Variants in PIEZO2 observed in about 807,000 individuals in gnomAD.
PIEZO2 encodes piezo-type mechanosensitive ion channel component 2.
A neutral mutation model predicts 337.3 loss-of-function variants in PIEZO2; 172 were observed. The ratio of observed to expected loss-of-function variants is 0.51; its 90% confidence interval spans 0.45 to 0.58. PIEZO2 has a LOEUF of 0.58. Among genes scored for constraint, PIEZO2 ranks in the 20% least tolerant of loss-of-function variants. PIEZO2 has a pLI of 0.00. For synonymous variants in PIEZO2, 1,251 were observed against 1,228.5 expected, an observed-to-expected ratio of 1.02 and a Z score of -0.38; for missense variants, 3,028 against 3,391.3, an observed-to-expected ratio of 0.89 and a Z score of 2.66.
At chr18:10,886,338 A>ATGTGTGTGTG (rs2042582430) in intron 4 of PIEZO2, among the ~76,000 whole-genome samples, 1 of 10,808 alleles carries the variant, frequency 9.3e-5, no homozygotes, top group African/African-American at 7.1e-4. Flanking sequence ...ATATATATAT[A>ATGTGTGTGTG]TATATACACA....
intron 1 of PIEZO2, among the ~76,000 whole-genome samples, chr18:11,090,837 C>T (rs1010535668): frequency 6.7e-6 from 1 of 149,582 alleles, no homozygotes; most frequent in African/African-American, 2.5e-5. Flanking sequence ...GGTGTGAACC[C>T]GGGGGGGCAA....
At chr18:10,851,878 T>A (rs2041564085) in intron 7 of PIEZO2, among the ~76,000 whole-genome samples, 1 of 152,120 alleles carries the variant, frequency 6.6e-6, no homozygotes, top group African/African-American at 2.4e-5. Flanking sequence ...GTTTGCCTGA[T>A]CTAGTATTTT....
chr18:10,797,057 T>A (rs2039628143), intron 12 of PIEZO2, among the ~76,000 whole-genome samples: 1 of 150,246 alleles, frequency 6.7e-6, no homozygotes, highest in Non-Finnish European at 1.5e-5. Context: ...ATATGTACTA[T>A]CATGTCATAT....
rs2040236224 is a variant in PIEZO2, at chr18:11,128,057, G to A, written c.64+20468C>T. 6.6e-6 allele frequency among the ~76,000 whole-genome samples: 1 copy of A among 152,020 alleles called. No homozygotes were observed. The highest frequency in any genetic ancestry group is 1.5e-5 in the Non-Finnish European group (1 of 68,024). ...GTTTAGAGAGTTACACAAAATAAAT[G>A]CATTTGACACTCCTGATTCACCACT... On this transcript the variant is annotated intron_variant, in intron 1 of 55. Coordinates refer to ENST00000674853, the MANE Select transcript of PIEZO2 (RefSeq NM_001378183.1). The surrounding 1 kb of genome is among the most constrained non-coding windows in gnomAD (Gnocchi z 4.1).
Position 10,882,834 on chromosome 18 carries a change from C to CTTTTTTTTTTTTTTTTTTTTTTT in PIEZO2, c.330-11420_330-11419insAAAAAAAAAAAAAAAAAAAAAAA, listed in dbSNP as rs745618117. Among the ~76,000 whole-genome samples, 5 of 109,984 alleles carry CTTTTTTTTTTTTTTTTTTTTTTT rather than the reference C, an allele frequency of 4.5e-5. 2 individuals are homozygous for CTTTTTTTTTTTTTTTTTTTTTTT. Among genetic ancestry groups the CTTTTTTTTTTTTTTTTTTTTTTT allele is most frequent in the African/African-American group, 6.3e-5 (2 of 31,918 alleles). 72.2% of individuals were successfully genotyped at this position (109,984 alleles called of 152,430 possible). A position where few individuals can be genotyped will look rare whatever the true frequency, so the allele number is the denominator to read the frequency against. On this transcript the variant is annotated intron_variant, in intron 4 of 55. Transcript: ENST00000674853. ...CCATTGTGCATATGTACCACATTTT[C>CTTTTTTTTTTTTTTTTTTTTTTT]TTTTTTTCTTTTTTTTTTTTTTTGA...
chr18:10,822,084 T>A lies in PIEZO2; in HGVS notation c.918-14810A>T, dbSNP rs570589584. ...CATTTGTAAATGTAACAGAAAATAA[T>A]AATTAGTAGAAAATGATCACATGCC... On this transcript the variant is annotated intron_variant, in intron 7 of 55. Transcript: ENST00000674853. Among the ~76,000 whole-genome samples, 68 of 152,330 alleles carry A rather than the reference T, an allele frequency of 4.5e-4. 1 individual carries two copies. The highest frequency in any genetic ancestry group is 1.6e-3 in the African/African-American group (67 of 41,580).
At position 10,719,006 on chromosome 18, in the gene PIEZO2, TA is replaced by T. The variant is rs1567981827; in HGVS notation, c.5030-748del. Among the ~76,000 whole-genome samples the T allele has an allele frequency of 9.0e-3, 1,356 of 150,912 alleles. 22 individuals are homozygous for T. Among genetic ancestry groups the T allele is most frequent in the African/African-American group, 0.031 (1,268 of 41,174 alleles). ...ATAAATAAATAAATAAATAAATAAA[TA>T]AATAAATAAATAAATAAATTTGCTA... On this transcript the variant is annotated intron_variant, in intron 36 of 55. Coordinates refer to ENST00000674853, the MANE Select transcript of PIEZO2 (RefSeq NM_001378183.1).
rs1185124640 is a variant in PIEZO2, at chr18:10,878,010, A to C, written c.330-6595T>G. ...TATGCTTCAGGTTCTCCTCATCTCT[A>C]AAAACACACCTGCCATGTCTCCTCT... On this transcript the variant is annotated intron_variant, in intron 4 of 55. Transcript: ENST00000674853. This position sits in a 1 kb window ranked among gnomAD's most constrained non-coding sequence, Gnocchi z 4.3. 1.3e-5 allele frequency among the ~76,000 whole-genome samples: 2 copies of C among 152,074 alleles called. No homozygotes were observed. Among genetic ancestry groups the C allele is most frequent in the African/African-American group, 4.8e-5 (2 of 41,400 alleles).
At chr18:10,984,733 A>T (rs906026152) in intron 2 of PIEZO2, among the ~76,000 whole-genome samples, 4 of 152,188 alleles carry the variant, frequency 2.6e-5, no homozygotes, top group African/African-American at 9.6e-5. Context: ...ATACAGATCC[A>T]GGAAGCCCAA....
At chr18:10,879,704 G>A (rs113681392) in intron 4 of PIEZO2, among the ~76,000 whole-genome samples, 3,946 of 152,100 alleles carry the variant, frequency 0.026, 173 homozygotes, top group African/African-American at 0.09. Context: ...CTCCAATCTT[G>A]TTAGAGTCAT....
intron 3 of PIEZO2, among the ~76,000 whole-genome samples, chr18:10,928,647 T>G (rs2031899908): frequency 6.6e-6 from 1 of 152,234 alleles, no homozygotes; most frequent in South Asian, 2.1e-4. Context: ...CTTCATGCCA[T>G]CACATCCTGT....
chr18:10,757,692 G>C (rs1341503815), intron 27 of PIEZO2, among the ~76,000 whole-genome samples: 1 of 151,988 alleles, frequency 6.6e-6, no homozygotes, highest in Admixed American at 6.5e-5. Flanking sequence ...CTCCACTGGA[G>C]AGCTGGTATT....
rs2035612221 is a variant in PIEZO2 at position 11,003,328 on chromosome 18, A to G, written c.161-23668T>C. The stretch of plus-strand genomic sequence containing the variant: ...CAGTAAATCCTCACTTATCATCAGT[A>G]GGCTCCTGGAAACTGCGGCTTTAAG... On this transcript the variant is annotated intron_variant, in intron 2 of 55. Transcript: ENST00000674853. The surrounding 1 kb of genome is among the most constrained non-coding windows in gnomAD (Gnocchi z 4.6). Among the ~76,000 whole-genome samples the G allele has an allele frequency of 6.6e-6, 1 of 152,202 alleles. No individual in the cohort carries two copies. Among genetic ancestry groups the G allele is most frequent in the Admixed American group, 6.5e-5 (1 of 15,274 alleles).
At chr18:10,722,481 C>T (rs756088683) in intron 36 of PIEZO2, among the ~76,000 whole-genome samples, 23 of 151,934 alleles carry the variant, frequency 1.5e-4, no homozygotes, top group Non-Finnish European at 2.6e-4. Context: ...CTGCCCCCTT[C>T]GGCCTCCCAA....
chr18:10,957,189 G>A (rs1478241436), intron 3 of PIEZO2, among the ~76,000 whole-genome samples: 2 of 150,890 alleles, frequency 1.3e-5, no homozygotes, highest in African/African-American at 4.9e-5. Flanking sequence ...ATGAGGTCAG[G>A]AGTTCAAGAC....
intron 4 of PIEZO2, among the ~76,000 whole-genome samples, chr18:10,907,699 G>A (rs1029157149): frequency 6.6e-6 from 1 of 152,160 alleles, no homozygotes; most frequent in African/African-American, 2.4e-5. Context: ...CAGGCAGGGT[G>A]TCCACGAATG....
rs1220560220 is a variant in PIEZO2, at chr18:11,102,231, A to C, written c.65-36009T>G. ...ACCTTATTCTAAATTAATGAGATAA[A>C]AAATACATTCTAATTTAAAATGTAT... On this transcript the variant is annotated intron_variant, in intron 1 of 55. Transcript: ENST00000674853. This position sits in a 1 kb window ranked among gnomAD's most constrained non-coding sequence, Gnocchi z 5.7. Among the ~76,000 whole-genome samples, 1 of 152,346 alleles carries C rather than the reference A, an allele frequency of 6.6e-6. No homozygotes were observed. Among genetic ancestry groups the C allele is most frequent in the South Asian group, 2.1e-4 (1 of 4,820 alleles).
rs542632413 is a variant in PIEZO2 at position 10,706,883 on chromosome 18, G to T, written c.5589-1137C>A. ...CTGAATGGCACGTGTGACCACCAGG[G>T]TTCCATAAACACTGAGATTCTCAAA... is the stretch of plus-strand genomic sequence containing the variant. On this transcript the variant is annotated intron_variant, in intron 40 of 55. Coordinates refer to ENST00000674853, the MANE Select transcript of PIEZO2 (RefSeq NM_001378183.1). Among the ~76,000 whole-genome samples, 27 of 152,284 alleles carry T rather than the reference G, an allele frequency of 1.8e-4. No homozygotes were observed. The South Asian group carries it at 5.2e-3, about 29-fold the overall frequency.
At chr18:10,810,498 G>A (rs1036435467) in intron 7 of PIEZO2, among the ~76,000 whole-genome samples, 1 of 152,018 alleles carries the variant, frequency 6.6e-6, no homozygotes, top group African/African-American at 2.4e-5. Flanking sequence ...TGTTCTCTAC[G>A]CCACCCTCCT....
Sources: allele counts gnomAD v4.1 joint callset (sites outside exome capture counted in the v4.1 genomes callset), GRCh38; gene constraint gnomAD v4.1.1; non-coding constraint Gnocchi (gnomAD v3.1); transcripts MANE v1.5; gene names NCBI Gene and HGNC (gene_info 2026-07-23, HGNC 2026-07-21).